The following PAK4 variants were observed in gnomAD, a reference collection of about 807,000 sequenced individuals.
The protein encoded by PAK4 is p21 (RAC1) activated kinase 4, also known as serine/threonine-protein kinase PAK 4.
Under a neutral mutation model 53.5 loss-of-function variants are expected in PAK4, and 49 were observed. That is an observed-to-expected ratio of 0.92 (90% confidence interval 0.73 to 1.16). The LOEUF (loss-of-function observed/expected upper bound fraction) is 1.16, where lower values mean the gene tolerates loss of function less well. Ranked by LOEUF, PAK4 falls within the 50% of genes most tolerant of loss-of-function variation. The pLI, the probability that PAK4 is intolerant of heterozygous loss-of-function variation, is 0.00. For missense variants in PAK4, 824 were observed against 850.7 expected (o/e 0.97, Z 0.39); for synonymous variants, 376 against 375.6 (o/e 1.00, Z -0.01).
intron 4 of PAK4, 86 bp from the exon 6 acceptor site, chr19:39,174,845 A>G: frequency 1.3e-6 from 2 of 1,511,016 alleles, no homozygotes. Flanking sequence ...GTGGAACTGC[A>G]GGGGGAGCCA....
At chr19:39,171,398 G>A (rs1056185963) in intron 2 of PAK4, among the ~76,000 whole-genome samples, 1 of 152,136 alleles carries the variant, frequency 6.6e-6, no homozygotes, top group Non-Finnish European at 1.5e-5. Flanking sequence ...TAGTAGAGAC[G>A]GGTTTTCGCC....
intron 1 of PAK4, among the ~76,000 whole-genome samples, chr19:39,140,896 G>A (rs937354450): frequency 6.6e-6 from 1 of 152,186 alleles, no homozygotes; most frequent in African/African-American, 2.4e-5. Context: ...TGAGTCTGCT[G>A]TGTGATGCTC....
At chr19:39,135,443 C>T (rs1397514125) in intron 1 of PAK4, among the ~76,000 whole-genome samples, 1 of 147,070 alleles carries the variant, frequency 6.8e-6, no homozygotes, top group African/African-American at 2.5e-5. Context: ...CCAAGCCATT[C>T]TCCTCCCTCA....
chr19:39,132,321 C>G (rs2073728128), intron 1 of PAK4, among the ~76,000 whole-genome samples: 1 of 152,226 alleles, frequency 6.6e-6, no homozygotes, highest in Non-Finnish European at 1.5e-5. Context: ...AAATCTCTTT[C>G]CCACCCGCCT....
chr19:39,154,856 C>A (rs1451601132), intron 1 of PAK4, among the ~76,000 whole-genome samples: 1 of 151,364 alleles, frequency 6.6e-6, no homozygotes, highest in African/African-American at 2.4e-5. Flanking sequence ...TGGATCTAGG[C>A]CCCTAGACCT....
intron 1 of PAK4, among the ~76,000 whole-genome samples, chr19:39,163,426 C>A (rs1196004167): frequency 1.3e-5 from 2 of 152,094 alleles, no homozygotes. Flanking sequence ...TTTTTGCACG[C>A]TCACGTCTGC....
At position 39,161,344 on chromosome 19, in the gene PAK4, G is replaced by A. The variant is rs1405315893; in HGVS notation, c.-22-8188G>A. 1.3e-5 allele frequency among the ~76,000 whole-genome samples: 2 copies of A among 152,170 alleles called. No homozygotes were observed. The highest frequency in any genetic ancestry group is 1.3e-4 in the Admixed American group (2 of 15,284). ...GAGGGAACGGACCTAGGCTGACTGC[G>A]CCAGGCTCCGCGCCAGGTGCTGGGG... On this transcript the variant is annotated intron_variant, in intron 1 of 8. Transcript: ENST00000358301. This position sits in a 1 kb window ranked among gnomAD's most constrained non-coding sequence, Gnocchi z 4.5.
intron 1 of PAK4, among the ~76,000 whole-genome samples, chr19:39,127,385 C>G (rs1463051453): frequency 6.6e-6 from 1 of 152,076 alleles, no homozygotes; most frequent in African/African-American, 2.4e-5. Context: ...CCCTCTCTCA[C>G]TGACGGGTCG....
At chr19:39,153,397 T>C (rs36148214) in intron 1 of PAK4, among the ~76,000 whole-genome samples, 21,423 of 128,936 alleles carry the variant, frequency 0.17, 1,708 homozygotes, top group East Asian at 0.34. Flanking sequence ...TAGCTGGAAT[T>C]ACAGGCATGT....
At chr19:39,163,897 C>G (rs143530328) in intron 1 of PAK4, among the ~76,000 whole-genome samples, 71 of 152,292 alleles carry the variant, frequency 4.7e-4, no homozygotes, top group African/African-American at 1.5e-3. Context: ...CTACTGTGTG[C>G]TGCCCTGGGC....
At chr19:39,137,893 C>G (rs2073845375) in intron 1 of PAK4, among the ~76,000 whole-genome samples, 1 of 152,086 alleles carries the variant, frequency 6.6e-6, no homozygotes, top group African/African-American at 2.4e-5. Flanking sequence ...GTCTCGATCT[C>G]CTGACCTTGT....
At chr19:39,141,286 A>C (rs186939645) in intron 1 of PAK4, among the ~76,000 whole-genome samples, 1 of 151,630 alleles carries the variant, frequency 6.6e-6, no homozygotes, top group Non-Finnish European at 1.5e-5. Context: ...AGCCTGCCTC[A>C]GTCTCCTCAT....
chr19:39,158,231 ATG>A (rs555758222), intron 1 of PAK4, among the ~76,000 whole-genome samples: 3 of 150,734 alleles, frequency 2.0e-5, no homozygotes, highest in East Asian at 3.9e-4. Flanking sequence ...GTGTGTGTGC[ATG>A]TGTGTGCGCG....
At chr19:39,131,729 C>T (rs1253162386) in intron 1 of PAK4, among the ~76,000 whole-genome samples, 1 of 152,214 alleles carries the variant, frequency 6.6e-6, no homozygotes, top group Non-Finnish European at 1.5e-5. Flanking sequence ...CCTTCCCAGG[C>T]TGGGAGGCCA....
At position 39,173,542 on chromosome 19, in the gene PAK4, C is replaced by G. The variant is rs749164029; in HGVS notation, c.664-34C>G. 1 of 1,488,340 alleles carries G rather than the reference C, an allele frequency of 6.7e-7. No individual in the cohort carries two copies. The highest frequency in any genetic ancestry group is 2.3e-5 in the Admixed American group (1 of 44,202). The allele number at this position is 1,488,340 out of a possible 1,614,324, so 92.2% of individuals were successfully genotyped here. A position where few individuals can be genotyped will look rare whatever the true frequency, so the allele number is the denominator to read the frequency against. On this transcript the variant is annotated intron_variant, in intron 3 of 8. Coordinates refer to ENST00000358301, the Ensembl canonical transcript of PAK4. The surrounding 1 kb of genome is among the most constrained non-coding windows in gnomAD (Gnocchi z 6.9). ...TAGGGAGCAGAGCTGCTCCCTGGCA[C>G]CCATCACTGACAGCTACCTCTCTTC...
In PAK4 at chr19:39,173,047, C is replaced by T. The variant is rs538763261; in HGVS notation, c.334C>T (p.Arg112Cys). The change falls in exon 3 of 9, where the codon CGC (arginine) becomes TGC (cysteine). Residue 112 changes from arginine (R) to cysteine (C), a missense_variant. Around this residue, in one of 2 missense-constraint regions of PAK4, gnomAD observed 478 missense variants for 435.8 expected, o/e 1.10. Transcript: ENST00000358301. The surrounding 1 kb of genome is among the most constrained non-coding windows in gnomAD (Gnocchi z 6.9). ...CAGCCCGCCGCCGCCCGCCCGTGCC[C>T]GCCAGGAAAATGGGATGCCAGAGGA... The T allele has an allele frequency of 7.1e-5, 110 of 1,549,134 alleles. No homozygotes were observed. The highest frequency in any genetic ancestry group is 4.4e-4 in the African/African-American group (32 of 73,110).
chr19:39,176,097 C>T (rs1433473887), intron 6 of PAK4, among the ~76,000 whole-genome samples: 1 of 152,114 alleles, frequency 6.6e-6, no homozygotes, highest in Non-Finnish European at 1.5e-5. Context: ...GCAGGAAGAC[C>T]CATAGAAATC....
rs2074538460 is a variant in PAK4, at chr19:39,173,694, T to G, written c.782T>G (p.Val261Gly). Reference sequence around the variant, plus strand: ...GCCCGAGGTGCCCCCAGCCCTGGAGTGCTGGGACCCCACGCCTCAGAGCCC... The same window carrying G: ...GCCCGAGGTGCCCCCAGCCCTGGAGGGCTGGGACCCCACGCCTCAGAGCCC... The change falls in exon 4 of 9, where the codon GTG becomes GGG. Residue 261 changes from valine (V) to glycine (G), a missense_variant. Physicochemically the swap from Val to Gly is moderately radical, Grantham distance 109 (BLOSUM62 -3). Coordinates refer to ENST00000358301, the Ensembl canonical transcript of PAK4. This position sits in a 1 kb window ranked among gnomAD's most constrained non-coding sequence, Gnocchi z 6.9. The G allele has an allele frequency of 1.9e-6, 3 of 1,586,256 alleles. No homozygotes were observed. In the South Asian group the frequency reaches 3.4e-5, roughly 18 times the overall value.
intron 1 of PAK4, among the ~76,000 whole-genome samples, chr19:39,132,627 C>T (rs1055345321): frequency 1.2e-4 from 18 of 152,260 alleles, no homozygotes; most frequent in African/African-American, 3.6e-4. Flanking sequence ...GGGCTGCGCC[C>T]GCCTGAGTGT....
Sources: gnomAD v4.1 joint callset for allele counts (sites outside exome capture counted in the v4.1 genomes callset) on GRCh38, gnomAD v4.1.1 for gene constraint, gnomAD v4.1.1 regional missense constraint, Gnocchi (gnomAD v3.1) non-coding constraint, MANE v1.5 for transcripts, NCBI Gene and HGNC (gene_info 2026-07-23, HGNC 2026-07-21) for gene names.